Variants in ZNF41 observed in about 807,000 individuals in gnomAD.
The protein encoded by ZNF41 is zinc finger protein 41.
ZNF41 carries 6 observed loss-of-function variants against 9.3 expected under a neutral mutation model. The ratio of observed to expected loss-of-function variants is 0.65; its 90% confidence interval spans 0.35 to 1.28. ZNF41 has a LOEUF of 1.28. Ranked by LOEUF, ZNF41 falls within the 50% of genes most tolerant of loss-of-function variation. ZNF41 has a pLI of 0.03. For missense variants in ZNF41, 523 were observed against 585.8 expected (o/e 0.89, Z 1.11); for synonymous variants, 192 against 207.1 (o/e 0.93, Z 0.63).
rs368078047 is a variant in ZNF41 at position 47,449,093 on chromosome X, T to A, written c.677A>T (p.His226Leu). The change falls in exon 5 of 5, where the codon CAT (histidine) becomes CTT (leucine). Residue 226 changes from histidine to leucine, a missense_variant. His to Leu is a moderately conservative substitution (Grantham distance 99, BLOSUM62 -3). Coordinates refer to ENST00000684689, the MANE Select transcript of ZNF41 (RefSeq NM_001324144.2). ...CTCATTCTTAGTAGAGGAAGGGCTA[T>A]GGGGGAAATTGTTACCATTTCCAAA... The part of the protein sequence containing the change: ...KIFGNGNNFP[H>L]SPSSTKNENA... 2.5e-4 allele frequency: 303 copies of A among 1,209,633 alleles called. No homozygotes were observed. Among genetic ancestry groups the A allele is most frequent in the Admixed American group, 4.6e-4 (21 of 45,647 alleles).
intron 2 of ZNF41, among the ~76,000 whole-genome samples, chrX:47,457,006 G>C: frequency 8.9e-6 from 1 of 112,015 alleles, no homozygotes; most frequent in Non-Finnish European, 1.9e-5. Flanking sequence ...ATCCAGTAGA[G>C]ATATACTAGC....
Position 47,457,462 on chromosome X carries a change from G to A in ZNF41, c.73-1064C>T, listed in dbSNP as rs1006828128. On this transcript the variant is annotated intron_variant, in intron 2 of 4. Coordinates refer to ENST00000684689, the MANE Select transcript of ZNF41 (RefSeq NM_001324144.2). ...GGAATGTTTGAAATGGGTGAGTCCA[G>A]ATCAGTCTGGAGATGCACTACAGAG... 2.7e-5 allele frequency among the ~76,000 whole-genome samples: 3 copies of A among 111,303 alleles called. No individual in the cohort carries two copies. The East Asian group carries it at 8.5e-4, about 31-fold the overall frequency.
Position 47,462,034 on chromosome X carries a change from A to G in ZNF41, c.72+5376T>C, listed in dbSNP as rs187544016. Among the ~76,000 whole-genome samples the G allele has an allele frequency of 3.7e-5, 3 of 80,956 alleles. No homozygotes were observed. In the Admixed American group the frequency reaches 4.5e-4, roughly 12 times the overall value. 70.3% of individuals were successfully genotyped at this position (80,956 alleles called of 115,157 possible). A position where few individuals can be genotyped will look rare whatever the true frequency, so the allele number is the denominator to read the frequency against. ...TGAGCCACAGCACCCAGCTGTAAAA[A>G]CTTTTGCCCAGGCTGGAGGGCAGTG... is the stretch of plus-strand genomic sequence containing the variant. On this transcript the variant is annotated intron_variant, in intron 2 of 4. Transcript: ENST00000684689.
At chrX:47,470,839 T>C (rs2057171867) in intron 1 of ZNF41, among the ~76,000 whole-genome samples, 1 of 111,434 alleles carries the variant, frequency 9.0e-6, no homozygotes, top group Non-Finnish European at 1.9e-5. Flanking sequence ...ATGAGTTGAA[T>C]TCTGCTACAA....
chrX:47,472,293 C>A (rs1409732477), intron 1 of ZNF41, among the ~76,000 whole-genome samples: 1 of 110,921 alleles, frequency 9.0e-6, no homozygotes, highest in Non-Finnish European at 1.9e-5. Context: ...CAAGGAAATA[C>A]TACACAGCAA....
chrX:47,448,604 CCA>C lies in ZNF41; in HGVS notation c.1164_1165del (p.Cys388TrpfsTer24). 1 of 1,211,729 alleles carries C rather than the reference CCA, an allele frequency of 8.3e-7. No individual in the cohort carries two copies. The highest frequency in any genetic ancestry group is 1.1e-6 in the Non-Finnish European group (1 of 895,528). On this transcript the variant is annotated frameshift_variant, in exon 5 of 5. Coordinates refer to ENST00000684689, the MANE Select transcript of ZNF41 (RefSeq NM_001324144.2). LOFTEE classifies it low-confidence loss of function (END_TRUNC). ...GTCTGAGTTCTGGGAGAAGCCTTTT[CCA>C]CATTCACTGCATTCATAAGGTTTTT...
intron 2 of ZNF41, among the ~76,000 whole-genome samples, chrX:47,464,583 T>A (rs977096274): frequency 1.8e-5 from 2 of 111,956 alleles, no homozygotes; most frequent in Admixed American, 1.9e-4. Context: ...GTCATTTCCA[T>A]CTCTTGAGGT....
rs749426044 is a variant in ZNF41, at chrX:47,469,310, C to CAAAAAAAAAA, written c.-279-1560_-279-1551dup. ...TGGGCGACAGAGCGAGACTCCGTCT[C>CAAAAAAAAAA]AAAAAAAAAAAAAAAAAAAAAAAAA... On this transcript the variant is annotated intron_variant, in intron 1 of 4. Transcript: ENST00000684689. 1.0e-3 allele frequency among the ~76,000 whole-genome samples: 36 copies of CAAAAAAAAAA among 35,930 alleles called. 1 individual carries two copies. Among genetic ancestry groups the CAAAAAAAAAA allele is most frequent in the African/African-American group, 3.5e-3 (34 of 9,785 alleles). The allele number at this position is 35,930 out of a possible 115,157, so 31.2% of individuals were successfully genotyped here. A position where few individuals can be genotyped will look rare whatever the true frequency, so the allele number is the denominator to read the frequency against.
At chrX:47,457,386 G>C (rs1427848672) in intron 2 of ZNF41, among the ~76,000 whole-genome samples, 3 of 110,665 alleles carry the variant, frequency 2.7e-5, no homozygotes, top group African/African-American at 9.9e-5. Flanking sequence ...CTTCAGCCTG[G>C]GTGATACAGA....
intron 2 of ZNF41, among the ~76,000 whole-genome samples, chrX:47,462,780 C>T (rs2056842606): frequency 9.1e-6 from 1 of 109,460 alleles, no homozygotes; most frequent in African/African-American, 3.3e-5. Flanking sequence ...GTTTCTGAGA[C>T]AGGGCGTCAC....
At chrX:47,458,459 TAA>T (rs1405731043) in intron 2 of ZNF41, among the ~76,000 whole-genome samples, 15 of 111,303 alleles carry the variant, frequency 1.3e-4, no homozygotes, top group Non-Finnish European at 1.1e-4. Flanking sequence ...AGCATTGAAA[TAA>T]AGACATTATA....
intron 2 of ZNF41, among the ~76,000 whole-genome samples, chrX:47,458,992 G>A (rs1316670467): frequency 1.8e-5 from 2 of 110,900 alleles, no homozygotes; most frequent in Non-Finnish European, 3.8e-5. Flanking sequence ...GACTTACAAA[G>A]CAATGGAAAT....
chrX:47,473,486 G>C (rs1487719837), intron 1 of ZNF41, among the ~76,000 whole-genome samples: 6 of 111,649 alleles, frequency 5.4e-5, no homozygotes. Flanking sequence ...AGTACTAACT[G>C]GCATAAACCT....
At chrX:47,456,507 T>C (rs776892970) in intron 2 of ZNF41, 109 bp from the exon 3 acceptor site, 6 of 1,081,703 alleles carry the variant, frequency 5.5e-6, no homozygotes, top group Non-Finnish European at 7.6e-6. Context: ...TCATGTAGGG[T>C]TTTCACTAAG....
chrX:47,469,333 A>AG (rs2057105793), intron 1 of ZNF41, among the ~76,000 whole-genome samples: 4 of 98,377 alleles, frequency 4.1e-5, no homozygotes, highest in Non-Finnish European at 6.0e-5. Context: ...AAAAAAAAAA[A>AG]AAAAAAAAAG....
chrX:47,457,067 T>C (rs770059406), intron 2 of ZNF41, among the ~76,000 whole-genome samples: 2 of 111,898 alleles, frequency 1.8e-5, no homozygotes, highest in Admixed American at 9.5e-5. Flanking sequence ...GACTGCAATT[T>C]ATATGCAGGA....
chrX:47,466,952 G>A (rs942159146), intron 2 of ZNF41, among the ~76,000 whole-genome samples: 5 of 111,794 alleles, frequency 4.5e-5, no homozygotes, highest in African/African-American at 1.6e-4. Context: ...AGGAGAAATC[G>A]CCAGATCCCC....
At chrX:47,460,533 G>C (rs925613258) in intron 2 of ZNF41, among the ~76,000 whole-genome samples, 4 of 111,699 alleles carry the variant, frequency 3.6e-5, no homozygotes, top group African/African-American at 1.3e-4. Context: ...GGCTCAGCTA[G>C]AAGATGTAGA....
At position 47,448,984 on chromosome X, in the gene ZNF41, C is replaced by T. The variant is rs2498490; in HGVS notation, c.786G>A (p.Gln262=). ...LSHKQAPTHH[Q]KIHPEEKLYV... is the part of the protein sequence containing the mutation. The stretch of plus-strand genomic sequence containing the variant: ...AAAGCTTCTCCTCAGGATGAATTTT[C>T]TGATGGTGGGTGGGAGCTTGTTTGT... The change falls in exon 5 of 5, where the codon CAG becomes CAA. Residue 262 remains glutamine (Q), a synonymous_variant. Transcript: ENST00000684689. 9.8e-3 allele frequency: 11,815 copies of T among 1,209,682 alleles called. 59 individuals are homozygous for T. The highest frequency in any genetic ancestry group is 0.012 in the Non-Finnish European group (10,458 of 895,231).
Sources: allele counts gnomAD v4.1 joint callset (sites outside exome capture counted in the v4.1 genomes callset), GRCh38; gene constraint gnomAD v4.1.1; transcripts MANE v1.5; gene names NCBI Gene and HGNC (gene_info 2026-07-23, HGNC 2026-07-21).